Variants in SPTLC3 observed in about 807,000 individuals in gnomAD.
SPTLC3 encodes the protein serine palmitoyltransferase 3.
A neutral mutation model predicts 59.3 loss-of-function variants in SPTLC3; 36 were observed. The ratio of observed to expected loss-of-function variants is 0.61; its 90% confidence interval spans 0.47 to 0.80. The LOEUF (loss-of-function observed/expected upper bound fraction) is 0.80. Ranked by LOEUF, SPTLC3 falls within the 30% of genes least tolerant of loss-of-function variation. The pLI is 0.00. For missense variants in SPTLC3, 625 were observed against 685.1 expected (o/e 0.91, Z 0.98); for synonymous variants, 257 against 240.8 (o/e 1.07, Z -0.62).
rs931217753 is a variant in SPTLC3, at chr20:13,105,742, T to C, written c.827-4370T>C. Reference sequence around the variant, plus strand: ...CCATCTATCATTTCTGCACAAAAACTTATAAATTCCAAGTCCCAAAGGGAA... The same window carrying C: ...CCATCTATCATTTCTGCACAAAAACCTATAAATTCCAAGTCCCAAAGGGAA... On this transcript the variant is annotated intron_variant, in intron 6 of 11. Coordinates refer to ENST00000399002, the MANE Select transcript of SPTLC3 (RefSeq NM_018327.4). Among the ~76,000 whole-genome samples, 3 of 152,232 alleles carry C rather than the reference T, an allele frequency of 2.0e-5. No homozygotes were observed. The South Asian group carries it at 6.2e-4, about 32-fold the overall frequency.
At chr20:13,028,169 C>T (rs57362538) in intron 1 of SPTLC3, among the ~76,000 whole-genome samples, 13,040 of 152,192 alleles carry the variant, frequency 0.086, 681 homozygotes, top group South Asian at 0.13. Flanking sequence ...AAACTTGGCT[C>T]CAGAACTTCT....
At chr20:13,083,322 G>C (rs962279810) in intron 4 of SPTLC3, among the ~76,000 whole-genome samples, 4 of 152,166 alleles carry the variant, frequency 2.6e-5, no homozygotes, top group Admixed American at 1.3e-4. Context: ...TATAATTTGA[G>C]TTTATTTTAG....
At chr20:13,053,081 C>T (rs941619822) in intron 2 of SPTLC3, among the ~76,000 whole-genome samples, 1 of 152,204 alleles carries the variant, frequency 6.6e-6, no homozygotes, top group Non-Finnish European at 1.5e-5. Flanking sequence ...ATCCCTGACC[C>T]CCAGGCCTCC....
intron 1 of SPTLC3, among the ~76,000 whole-genome samples, chr20:13,012,847 T>C (rs188635955): frequency 2.6e-5 from 4 of 152,274 alleles, no homozygotes; most frequent in Admixed American, 6.5e-5. Context: ...GTTGGGGTGG[T>C]CAGTGACAGC....
intron 2 of SPTLC3, among the ~76,000 whole-genome samples, chr20:13,053,647 G>A (rs539057344): frequency 6.6e-6 from 1 of 152,104 alleles, no homozygotes; most frequent in African/African-American, 2.4e-5. Flanking sequence ...CCTTGAAAAA[G>A]GTTAGACGAA....
At chr20:13,020,202 T>C (rs1324744197) in intron 1 of SPTLC3, among the ~76,000 whole-genome samples, 4 of 152,120 alleles carry the variant, frequency 2.6e-5, no homozygotes, top group African/African-American at 9.7e-5. Context: ...CCATGTGTGT[T>C]AGACATTTAT....
At chr20:13,085,751 AC>A (rs1452481110) in intron 4 of SPTLC3, among the ~76,000 whole-genome samples, 2 of 152,238 alleles carry the variant, frequency 1.3e-5, no homozygotes, top group Non-Finnish European at 2.9e-5. Context: ...AGACATGCAT[AC>A]AGTCCATAGA....
intron 2 of SPTLC3, among the ~76,000 whole-genome samples, chr20:13,054,185 C>T (rs1987617140): frequency 6.6e-6 from 1 of 152,108 alleles, no homozygotes; most frequent in Admixed American, 6.5e-5. Context: ...CCACGGAATT[C>T]CAATGACCGA....
intron 8 of SPTLC3, 62 bp downstream of exon 8, chr20:13,117,787 G>A: frequency 6.9e-7 from 1 of 1,440,624 alleles, no homozygotes; most frequent in East Asian, 2.3e-5. Context: ...CCGTGTGTAG[G>A]GCTTCTCTGA....
intron 4 of SPTLC3, among the ~76,000 whole-genome samples, chr20:13,084,764 G>T (rs879650737): frequency 1.3e-5 from 2 of 152,162 alleles, no homozygotes; most frequent in Admixed American, 6.5e-5. Flanking sequence ...ATGTGTAGGT[G>T]TGAGGATTAG....
chr20:13,143,107 A>G (rs1335121402), intron 9 of SPTLC3, among the ~76,000 whole-genome samples: 1 of 152,202 alleles, frequency 6.6e-6, no homozygotes, highest in African/African-American at 2.4e-5. Flanking sequence ...GAATGAAATT[A>G]TTCTGATAAA....
chr20:13,019,197 C>T (rs1271645331), intron 1 of SPTLC3, among the ~76,000 whole-genome samples: 1 of 152,130 alleles, frequency 6.6e-6, no homozygotes, highest in African/African-American at 2.4e-5. Context: ...AGAGACAGAA[C>T]AGGCTCCATC....
chr20:13,092,163 A>C (rs149866545), intron 5 of SPTLC3, among the ~76,000 whole-genome samples: 204 of 152,370 alleles, frequency 1.3e-3, no homozygotes, highest in African/African-American at 4.3e-3. Flanking sequence ...TATTTAGGAC[A>C]CGAAGAGGGA....
intron 10 of SPTLC3, among the ~76,000 whole-genome samples, chr20:13,156,105 G>C (rs2038762880): frequency 6.6e-6 from 1 of 152,132 alleles, no homozygotes; most frequent in African/African-American, 2.4e-5. Context: ...TATTCAAAAT[G>C]ATTGGGGAAA....
chr20:13,009,184 A>C lies in SPTLC3; in HGVS notation c.-84A>C, dbSNP rs1237983185. 4.7e-6 allele frequency: 5 copies of C among 1,074,598 alleles called. No homozygotes were observed. Among genetic ancestry groups the C allele is most frequent in the Non-Finnish European group, 5.6e-6 (4 of 709,052 alleles). The allele number at this position is 1,074,598 out of a possible 1,614,324, so 66.6% of individuals were successfully genotyped here. ...TAAGGGCTCAGCCCCAAAGAGCTTT[A>C]TCCCATCCCCTCGCAGACTGAAAAC... On this transcript the variant is annotated 5_prime_UTR_variant, in exon 1 of 12. Transcript: ENST00000399002.
intron 1 of SPTLC3, among the ~76,000 whole-genome samples, chr20:13,030,362 G>T (rs906382688): frequency 2.0e-5 from 3 of 152,194 alleles, no homozygotes; most frequent in African/African-American, 7.2e-5. Context: ...ATATAAAAGA[G>T]ATTTTAAAAT....
At chr20:13,138,455 T>G (rs1433257091) in intron 9 of SPTLC3, among the ~76,000 whole-genome samples, 1 of 152,164 alleles carries the variant, frequency 6.6e-6, no homozygotes, top group African/African-American at 2.4e-5. Context: ...CCTTGCGGTT[T>G]TTACTTCTAT....
chr20:13,059,773 C>T (rs986366969), intron 2 of SPTLC3, among the ~76,000 whole-genome samples: 3 of 152,150 alleles, frequency 2.0e-5, no homozygotes, highest in East Asian at 3.9e-4. Flanking sequence ...GCCCTCAAGC[C>T]CTTGATTTTA....
chr20:13,126,637 C>G lies in SPTLC3; in HGVS notation c.1199C>G (p.Ala400Gly), dbSNP rs2037999582. Residue 400 changes from alanine (A) to glycine (G), a missense_variant, in exon 9 of 12, where the codon GCT (alanine) becomes GGT (glycine). By Grantham distance (60) the Ala-to-Gly change is moderately conservative. Coordinates refer to ENST00000399002, the MANE Select transcript of SPTLC3 (RefSeq NM_018327.4). ...GTTCACTCGCATAGTGCTGTTTATG[C>G]TTCATCCATGAGCCCACCGATAGCA... ...LRVHSHSAVY[A>G]SSMSPPIAEQ... 1 of 1,614,024 alleles carries G rather than the reference C, an allele frequency of 6.2e-7. No homozygotes were observed. Among genetic ancestry groups the G allele is most frequent in the Non-Finnish European group, 8.5e-7 (1 of 1,179,956 alleles).
Sources: allele counts gnomAD v4.1 joint callset (sites outside exome capture counted in the v4.1 genomes callset), GRCh38; gene constraint gnomAD v4.1.1; transcripts MANE v1.5; gene names NCBI Gene and HGNC (gene_info 2026-07-23, HGNC 2026-07-21).